Variants in EPB41L1 observed in about 807,000 individuals in gnomAD.
EPB41L1 encodes the protein erythrocyte membrane protein band 4.1 like 1, also known as band 4.1-like protein 1.
Under a neutral mutation model 97.8 loss-of-function variants are expected in EPB41L1, and 29 were observed. The observed-to-expected ratio is 0.30, with a 90% CI of 0.22 to 0.40. The LOEUF (loss-of-function observed/expected upper bound fraction) is 0.40. Among genes scored for constraint, EPB41L1 ranks in the 10% least tolerant of loss-of-function variants. The pLI, the probability that EPB41L1 is intolerant of heterozygous loss-of-function variation, is 1.00. For synonymous variants in EPB41L1, 383 were observed against 459.2 expected (o/e 0.83, Z 2.12); for missense variants, 812 against 1,162.3 (o/e 0.70, Z 4.38).
At chr20:36,153,161 G>C (rs1209680407), upstream of EPB41L1, 1 of 453,164 alleles carries the variant, frequency 2.2e-6, no homozygotes, top group African/African-American at 2.0e-5. Context: ...ATTGTATCTT[G>C]AGTTCTCTAA....
exon 2 of EPB41L1, chr20:36,112,434 C>T (rs537586115): frequency 6.6e-6 from 1 of 152,392 alleles, no homozygotes; most frequent in East Asian, 1.9e-4. Context: ...AGGTGCCTGA[C>T]TGACAGAAGT....
intron 17 of EPB41L1, among the ~76,000 whole-genome samples, chr20:36,216,855 A>AG (rs1464937208): frequency 1.3e-5 from 2 of 152,060 alleles, no homozygotes; most frequent in Non-Finnish European, 2.9e-5. Context: ...GGATGCCTGG[A>AG]GGGGGGAAAG....
At chr20:36,113,482 C>T (rs1394383860) in intron 2 of EPB41L1, among the ~76,000 whole-genome samples, 3 of 142,310 alleles carry the variant, frequency 2.1e-5, no homozygotes, top group East Asian at 2.1e-4. Flanking sequence ...CTGTAGGGAG[C>T]GGGAACTATG....
At chr20:36,192,531 CAAAAA>C (rs57675036) in intron 11 of EPB41L1, among the ~76,000 whole-genome samples, 1 of 46,430 alleles carries the variant, frequency 2.2e-5, no homozygotes, top group Non-Finnish European at 4.9e-5. Context: ...GACTCCGTCT[CAAAAA>C]AAAAAAAAAA....
intron 2 of EPB41L1, among the ~76,000 whole-genome samples, chr20:36,121,214 CA>C (rs989071937): frequency 6.6e-6 from 1 of 152,048 alleles, no homozygotes; most frequent in Non-Finnish European, 1.5e-5. Context: ...TGACTTCTCA[CA>C]AAAATGTGAG....
At position 36,232,613 on chromosome 20, in the gene EPB41L1, A is replaced by G. The variant is rs918165999; in HGVS notation, c.*3273A>G. 18 of 398,698 alleles carry G rather than the reference A, an allele frequency of 4.5e-5. No individual in the cohort carries two copies. The highest frequency in any genetic ancestry group is 7.5e-5 in the Non-Finnish European group (17 of 226,084). The allele number at this position is 398,698 out of a possible 1,614,324, so 24.7% of individuals were successfully genotyped here. On this transcript the variant is annotated 3_prime_UTR_variant, in exon 22 of 22. Transcript: ENST00000338074. ...AACTGCATGAGCAACATCACTCGAA[A>G]TAATTTTTTTTTTCAAAAGCACCTT...
At chr20:36,136,246 C>T (rs1444031045) in intron 2 of EPB41L1, among the ~76,000 whole-genome samples, 1 of 152,036 alleles carries the variant, frequency 6.6e-6, no homozygotes, top group Non-Finnish European at 1.5e-5. Context: ...CCTTGGCTCA[C>T]TGCAACCTCT....
rs926573529 is a variant in EPB41L1 at position 36,232,493 on chromosome 20, T to A, written c.*3153T>A. The A allele has an allele frequency of 2.3e-5, 9 of 398,084 alleles. No individual in the cohort carries two copies. The highest frequency in any genetic ancestry group is 3.5e-5 in the Non-Finnish European group (8 of 226,034). The allele number at this position is 398,084 out of a possible 1,614,324, so 24.7% of individuals were successfully genotyped here. On this transcript the variant is annotated 3_prime_UTR_variant, in exon 22 of 22. Transcript: ENST00000338074. ...CATGGGTCTTCATTTTCTCTTATTTTGTTTTCTCTGGATCTTTTCCATCTG... is the reference window on the plus strand; with the variant it reads ...CATGGGTCTTCATTTTCTCTTATTTAGTTTTCTCTGGATCTTTTCCATCTG...
intron 1 of EPB41L1, among the ~76,000 whole-genome samples, chr20:36,161,189 A>C (rs73902987): frequency 0.032 from 4,799 of 152,168 alleles, 127 homozygotes; most frequent in South Asian, 0.15. Context: ...TCTTTCACCC[A>C]CCCAGTATGG....
At chr20:36,174,210 C>G (rs2145906204) in intron 2 of EPB41L1, among the ~76,000 whole-genome samples, 1 of 152,226 alleles carries the variant, frequency 6.6e-6, no homozygotes, top group South Asian at 2.1e-4. Flanking sequence ...GCCTCAGCCT[C>G]CTGAGTAGCA....
At chr20:36,227,312 T>C (rs2064219813) in intron 21 of EPB41L1, among the ~76,000 whole-genome samples, 1 of 151,662 alleles carries the variant, frequency 6.6e-6, no homozygotes, top group Admixed American at 6.6e-5. Context: ...CAAGACCCTG[T>C]AAAAAACAAA....
chr20:36,164,169 A>G (rs570818686), intron 1 of EPB41L1, among the ~76,000 whole-genome samples: 7 of 152,238 alleles, frequency 4.6e-5, no homozygotes, highest in African/African-American at 1.7e-4. Context: ...TATTGGCCAA[A>G]TGGAACCAGA....
chr20:36,223,693 C>A (rs1023674246), intron 21 of EPB41L1, among the ~76,000 whole-genome samples: 4 of 152,040 alleles, frequency 2.6e-5, no homozygotes, highest in African/African-American at 9.7e-5. Context: ...GAAAAAAATT[C>A]TTCTGATTTT....
In EPB41L1 at chr20:36,214,390, T is replaced by A. The variant is rs759440744; in HGVS notation, c.2218T>A (p.Phe740Ile). 1.4e-5 allele frequency: 22 copies of A among 1,612,594 alleles called. No homozygotes were observed. Among genetic ancestry groups the A allele is most frequent in the Admixed American group, 1.7e-5 (1 of 59,830 alleles). ...TGGGAGTGCCTCAGTGGGGAGGGAGTTCATAGCAACCACTCCCTCCATCAC... is the reference window on the plus strand; with the variant it reads ...TGGGAGTGCCTCAGTGGGGAGGGAGATCATAGCAACCACTCCCTCCATCAC... ...VDGSASVGRE[F>I]IATTPSITTE... The change falls in exon 17 of 22, where the codon TTC becomes ATC. Residue 740 changes from phenylalanine to isoleucine, a missense_variant. Physicochemically the swap from Phe to Ile is conservative, Grantham distance 21. Around this residue, in one of 3 missense-constraint regions of EPB41L1, gnomAD observed 498 missense variants for 622.7 expected, o/e 0.80. Transcript: ENST00000338074.
At chr20:36,170,290 CAAGTA>C (rs1156479632) in intron 1 of EPB41L1, among the ~76,000 whole-genome samples, 1 of 151,870 alleles carries the variant, frequency 6.6e-6, no homozygotes, top group Non-Finnish European at 1.5e-5. Context: ...AAGGAATCTC[CAAGTA>C]TAGTAGCAAA....
intron 21 of EPB41L1, among the ~76,000 whole-genome samples, chr20:36,223,527 T>C (rs1466650744): frequency 6.6e-6 from 1 of 152,152 alleles, no homozygotes; most frequent in Non-Finnish European, 1.5e-5. Context: ...CCAGATCTTA[T>C]CAGATCTTAA....
chr20:36,214,864 G>A (rs2063350067), intron 17 of EPB41L1, among the ~76,000 whole-genome samples: 1 of 151,862 alleles, frequency 6.6e-6, no homozygotes, highest in African/African-American at 2.4e-5. Flanking sequence ...CCTTGCCTTG[G>A]TCAGTAGATG....
chr20:36,154,115 ACACT>A (rs1238394099), upstream of EPB41L1, among the ~76,000 whole-genome samples: 1 of 152,114 alleles, frequency 6.6e-6, no homozygotes, highest in East Asian at 1.9e-4. This position sits in a 1 kb window ranked among gnomAD's most constrained non-coding sequence, Gnocchi z 5.5. Flanking sequence ...CCCTCTGGAC[ACACT>A]CAGAGGCACA....
rs749249516 is a variant in EPB41L1, at chr20:36,209,422, T to G, written c.1669-66T>G. 257 of 1,542,632 alleles carry G rather than the reference T, an allele frequency of 1.7e-4. 2 individuals are homozygous for G. Among genetic ancestry groups the G allele is most frequent in the Admixed American group, 2.4e-4 (13 of 55,164 alleles). On this transcript the variant is annotated intron_variant, in intron 14 of 21. Coordinates refer to ENST00000338074, the MANE Select transcript of EPB41L1 (RefSeq NM_012156.2). The surrounding 1 kb of genome is among the most constrained non-coding windows in gnomAD (Gnocchi z 4.2). ...GAGATTTCTCCTGACATTCACCATC[T>G]TGATTTCTCTTTCTCTCTCTCTCCC...
Sources: gnomAD v4.1 joint callset for allele counts (sites outside exome capture counted in the v4.1 genomes callset) on GRCh38, gnomAD v4.1.1 for gene constraint, gnomAD v4.1.1 regional missense constraint, Gnocchi (gnomAD v3.1) non-coding constraint, MANE v1.5 for transcripts, NCBI Gene and HGNC (gene_info 2026-07-23, HGNC 2026-07-21) for gene names.